WASF3: variants seen among roughly 807,000 people sequenced by gnomAD.
WASF3 encodes the protein actin-binding protein WASF3.
A neutral mutation model predicts 46.6 loss-of-function variants in WASF3; 11 were observed. That is an observed-to-expected ratio of 0.24 (90% CI 0.15 to 0.39). The LOEUF is 0.39. Among genes scored for constraint, WASF3 ranks in the 10% least tolerant of loss-of-function variants. The probability of loss-of-function intolerance (pLI) is 1.00; values close to 1 mark genes in which losing one functional copy is unlikely to be tolerated. For missense variants in WASF3, 576 were observed against 669.8 expected (o/e 0.86, Z 1.55); for synonymous variants, 242 against 259.7 (o/e 0.93, Z 0.65).
intron 2 of WASF3, among the ~76,000 whole-genome samples, chr13:26,620,062 A>C (rs1881260188): frequency 6.6e-6 from 1 of 152,052 alleles, no homozygotes; most frequent in Non-Finnish European, 1.5e-5. Context: ...TCTAGTGTCT[A>C]CTCCAGGATG....
chr13:26,661,417 C>G (rs911537712), intron 3 of WASF3, among the ~76,000 whole-genome samples: 1 of 152,208 alleles, frequency 6.6e-6, no homozygotes, highest in Non-Finnish European at 1.5e-5. Flanking sequence ...ATGTCATCCT[C>G]AAGGTTCATC....
chr13:26,584,275 ATC>A (rs1297195703), intron 1 of WASF3, among the ~76,000 whole-genome samples: 13 of 152,336 alleles, frequency 8.5e-5, no homozygotes, highest in Admixed American at 6.5e-4. Context: ...GAGATGAACC[ATC>A]TCAAGGTTAT....
intron 1 of WASF3, among the ~76,000 whole-genome samples, chr13:26,561,654 C>T (rs1414815200): frequency 6.6e-6 from 1 of 152,168 alleles, no homozygotes; most frequent in Non-Finnish European, 1.5e-5. Context: ...AACAGGGAGA[C>T]TGGGGGATGT....
At chr13:26,581,625 TAAA>T (rs375696038) in intron 1 of WASF3, among the ~76,000 whole-genome samples, 1 of 149,390 alleles carries the variant, frequency 6.7e-6, no homozygotes, top group Non-Finnish European at 1.5e-5. Context: ...GGTTCTGCTT[TAAA>T]AAAAAAAGTT....
In WASF3 at chr13:26,685,775, G is replaced by A. The variant is rs774882598; in HGVS notation, c.1439G>A (p.Arg480Gln). 6.2e-7 allele frequency: 1 copy of A among 1,614,210 alleles called. No homozygotes were observed. Among genetic ancestry groups the A allele is most frequent in the South Asian group, 1.1e-5 (1 of 91,082 alleles). ...VGNDVATILS[R>Q]RIAVEYSDSD... ...AATGACGTGGCCACGATCCTGTCCC[G>A]GCGCATTGCCGTGGAGTACAGCGAC... The change falls in exon 10 of 10, where the codon CGG becomes CAG. Residue 480 changes from arginine to glutamine, a missense_variant. By Grantham distance (43) the Arg-to-Gln change is conservative. Coordinates refer to ENST00000335327, the MANE Select transcript of WASF3 (RefSeq NM_006646.6).
chr13:26,602,753 A>G (rs1283450044), intron 1 of WASF3, among the ~76,000 whole-genome samples: 1 of 152,208 alleles, frequency 6.6e-6, no homozygotes, highest in African/African-American at 2.4e-5. Context: ...TTGATTTTGG[A>G]GTATTTAAAA....
chr13:26,583,676 G>T (rs1484870243), intron 1 of WASF3, among the ~76,000 whole-genome samples: 1 of 152,124 alleles, frequency 6.6e-6, no homozygotes, highest in Non-Finnish European at 1.5e-5. Flanking sequence ...TATGGTGTTT[G>T]TACTTTACCC....
chr13:26,597,720 G>A, intron 1 of WASF3, among the ~76,000 whole-genome samples: 2 of 152,074 alleles, frequency 1.3e-5, no homozygotes, highest in Non-Finnish European at 2.9e-5. Flanking sequence ...GCGGTGTTTG[G>A]TTTTTTGTCC....
At chr13:26,627,771 G>A (rs1881513489) in intron 2 of WASF3, among the ~76,000 whole-genome samples, 1 of 151,630 alleles carries the variant, frequency 6.6e-6, no homozygotes, top group Non-Finnish European at 1.5e-5. Flanking sequence ...ATTTAAAATA[G>A]ATATACCTAA....
intron 1 of WASF3, among the ~76,000 whole-genome samples, chr13:26,611,161 C>G (rs1007116554): frequency 6.6e-6 from 1 of 151,482 alleles, no homozygotes; most frequent in African/African-American, 2.4e-5. Context: ...TGAGCCACAC[C>G]GTGCCTGGCA....
At chr13:26,608,175 C>T (rs1262496542) in intron 1 of WASF3, among the ~76,000 whole-genome samples, 1 of 152,054 alleles carries the variant, frequency 6.6e-6, no homozygotes, top group Non-Finnish European at 1.5e-5. Flanking sequence ...GAGGTATGGG[C>T]CACTCATGGA....
chr13:26,655,254 G>A (rs1469258473), intron 3 of WASF3, among the ~76,000 whole-genome samples: 1 of 151,876 alleles, frequency 6.6e-6, no homozygotes, highest in African/African-American at 2.4e-5. Context: ...TTATGACCTT[G>A]ACACTTTAGA....
chr13:26,550,014 T>C, the WASF3 span, among the ~76,000 whole-genome samples: 1 of 152,216 alleles, frequency 6.6e-6, no homozygotes, highest in East Asian at 1.9e-4. Context: ...GAGAGTGTTG[T>C]ACATTTCTTT....
chr13:26,563,579 C>T (rs1379406658), intron 1 of WASF3, among the ~76,000 whole-genome samples: 5 of 133,750 alleles, frequency 3.7e-5, no homozygotes, highest in Admixed American at 2.8e-4. Context: ...TGCTTGAACC[C>T]GGGAGGCAGA....
chr13:26,557,956 G>T, intron 1 of WASF3, 137 bp downstream of exon 1: 1 of 244,428 alleles, frequency 4.1e-6, no homozygotes, highest in East Asian at 7.5e-5. Flanking sequence ...GCTCCGGCCG[G>T]GCGGCGGGGC....
chr13:26,577,480 G>A lies in WASF3; in HGVS notation c.-109+19661G>A, dbSNP rs968389676. 7 of 1,031,412 alleles carry A rather than the reference G, an allele frequency of 6.8e-6. No homozygotes were observed. The South Asian group carries it at 7.5e-5, about 11-fold the overall frequency. 63.9% of individuals were successfully genotyped at this position (1,031,412 alleles called of 1,614,324 possible). A position where few individuals can be genotyped will look rare whatever the true frequency, so the allele number is the denominator to read the frequency against. On this transcript the variant is annotated intron_variant, in intron 1 of 9. Transcript: ENST00000335327. ...ACAGCATTGGAAAAGACATAGAAAA[G>A]ACTTGCCAATCCATTTATCCTCTCC...
intron 3 of WASF3, among the ~76,000 whole-genome samples, chr13:26,662,567 G>A (rs1361118731): frequency 6.6e-6 from 1 of 152,338 alleles, no homozygotes; most frequent in East Asian, 1.9e-4. Context: ...AATACTGCCT[G>A]TTCTCACTTT....
intron 2 of WASF3, among the ~76,000 whole-genome samples, chr13:26,635,170 G>T (rs1224998623): frequency 6.6e-6 from 1 of 152,128 alleles, no homozygotes; most frequent in Non-Finnish European, 1.5e-5. Context: ...GTATTTCTTG[G>T]AGGCTTTGTT....
chr13:26,678,430 T>C (rs1883128442), intron 7 of WASF3, among the ~76,000 whole-genome samples: 1 of 152,174 alleles, frequency 6.6e-6, no homozygotes, highest in Non-Finnish European at 1.5e-5. Context: ...TTTCTATACA[T>C]GTGTTTCTTT....
Sources: allele counts gnomAD v4.1 joint callset (sites outside exome capture counted in the v4.1 genomes callset), GRCh38; gene constraint gnomAD v4.1.1; transcripts MANE v1.5; gene names NCBI Gene and HGNC (gene_info 2026-07-23, HGNC 2026-07-21).